SLC30A7: variants seen among roughly 807,000 people sequenced by gnomAD.
SLC30A7 encodes the protein zinc transporter 7.
In SLC30A7, 35 loss-of-function variants were observed where a neutral mutation model predicts 46.0. That is an observed-to-expected ratio of 0.76 (90% confidence interval 0.58 to 1.01). The LOEUF (loss-of-function observed/expected upper bound fraction) is 1.01, where lower values mean the gene tolerates loss of function less well. SLC30A7 is among the 50% of genes least tolerant of loss of function. The probability of loss-of-function intolerance (pLI) is 0.00; values close to 1 mark genes in which losing one functional copy is unlikely to be tolerated. For missense variants in SLC30A7, 464 were observed against 451.1 expected (o/e 1.03, Z -0.26); for synonymous variants, 147 against 157.8 (o/e 0.93, Z 0.51).
intron 8 of SLC30A7, among the ~76,000 whole-genome samples, chr1:100,924,609 T>C (rs1451592059): frequency 1.3e-5 from 2 of 149,930 alleles, no homozygotes; most frequent in Non-Finnish European, 3.0e-5. Flanking sequence ...GCCCTCAAGC[T>C]CCATTAGGGC....
intron 6 of SLC30A7, 55 bp from the exon 7 acceptor site, chr1:100,918,022 A>G: frequency 6.8e-7 from 1 of 1,466,668 alleles, no homozygotes; most frequent in East Asian, 2.3e-5. Flanking sequence ...TCTGAATTGT[A>G]AAAACTTGAA....
intron 8 of SLC30A7, among the ~76,000 whole-genome samples, chr1:100,942,820 CTGTG>C (rs914517593): frequency 6.6e-6 from 1 of 152,114 alleles, no homozygotes; most frequent in Admixed American, 6.5e-5. Context: ...ACATGATAGT[CTGTG>C]TATGAAAAAA....
chr1:100,968,914 A>G (rs1656005524), intron 10 of SLC30A7, among the ~76,000 whole-genome samples: 1 of 152,244 alleles, frequency 6.6e-6, no homozygotes. Flanking sequence ...TAAGTATGGA[A>G]AAATATCGTT....
intron 10 of SLC30A7, among the ~76,000 whole-genome samples, chr1:100,970,059 G>A (rs1656074226): frequency 6.6e-6 from 1 of 152,032 alleles, no homozygotes; most frequent in African/African-American, 2.4e-5. Flanking sequence ...TCAAAAATAA[G>A]AAAACTCAAA....
At chr1:100,927,250 G>T (rs1000453009) in intron 8 of SLC30A7, among the ~76,000 whole-genome samples, 5 of 152,142 alleles carry the variant, frequency 3.3e-5, no homozygotes, top group African/African-American at 1.2e-4. Context: ...AGGAGGGGAG[G>T]CCTGAGAACT....
chr1:100,993,593 T>C, the SLC30A7 span, among the ~76,000 whole-genome samples: 1 of 124,514 alleles, frequency 8.0e-6, no homozygotes, highest in African/African-American at 3.0e-5. Context: ...TATATATATA[T>C]ATATAGCTAT....
chr1:100,904,237 A>G (rs2101005642), intron 2 of SLC30A7, among the ~76,000 whole-genome samples: 1 of 152,326 alleles, frequency 6.6e-6, no homozygotes, highest in Middle Eastern at 3.4e-3. Context: ...TTGCTTTCAG[A>G]ACATTTTTAT....
chr1:100,955,881 C>T (rs1353288667), intron 8 of SLC30A7, among the ~76,000 whole-genome samples: 1 of 152,012 alleles, frequency 6.6e-6, no homozygotes, highest in South Asian at 2.1e-4. Flanking sequence ...TTATTCTCTA[C>T]CATAGTTTTA....
In SLC30A7 at chr1:100,974,883, T is replaced by C. The variant is rs202151278; in HGVS notation, c.*26T>C. 13 of 1,593,204 alleles carry C rather than the reference T, an allele frequency of 8.2e-6. No individual in the cohort carries two copies. Among genetic ancestry groups the C allele is most frequent in the Non-Finnish European group, 1.1e-5 (13 of 1,164,838 alleles). ...TGAATGGAAAGAAATTATGCACCTT[T>C]TATGGACCAAATTTTTCTGGTACTG... On this transcript the variant is annotated 3_prime_UTR_variant, in exon 11 of 11. Coordinates refer to ENST00000357650, the MANE Select transcript of SLC30A7 (RefSeq NM_133496.5).
At position 100,981,167 on chromosome 1, in the gene SLC30A7, A is replaced by G. The variant is rs1656909679; in HGVS notation, c.*6310A>G. ...GAATTTTAATATTTGAATTTTGTTT[A>G]TGTATCACATACTGTGCTACAGTTA... On this transcript the variant is annotated 3_prime_UTR_variant, in exon 11 of 11. Transcript: ENST00000357650. 6.6e-6 allele frequency: 1 copy of G among 152,076 alleles called. No homozygotes were observed. Among genetic ancestry groups the G allele is most frequent in the South Asian group, 2.1e-4 (1 of 4,826 alleles). 9.4% of individuals were successfully genotyped at this position (152,076 alleles called of 1,614,324 possible). A position where few individuals can be genotyped will look rare whatever the true frequency, so the allele number is the denominator to read the frequency against.
At chr1:100,983,387 A>AC (rs1558021788), downstream of SLC30A7, among the ~76,000 whole-genome samples, 48 of 145,848 alleles carry the variant, frequency 3.3e-4, no homozygotes, top group South Asian at 1.7e-3. Context: ...AAAAAAAAAA[A>AC]AAACAAAACA....
In SLC30A7 at chr1:100,980,126, GA is replaced by G. The variant is rs1312629041; in HGVS notation, c.*5270del. The G allele has an allele frequency of 6.6e-6, 1 of 152,134 alleles. No homozygotes were observed. Among genetic ancestry groups the G allele is most frequent in the African/African-American group, 2.4e-5 (1 of 41,452 alleles). The allele number at this position is 152,134 out of a possible 1,614,324, so 9.4% of individuals were successfully genotyped here. The stretch of plus-strand genomic sequence containing the variant: ...AAAATAAAGTTTTGTTGGCATTGAA[GA>G]GTAAGCTGCTTAAGGGACTGAATGA... On this transcript the variant is annotated 3_prime_UTR_variant, in exon 11 of 11. Coordinates refer to ENST00000357650, the MANE Select transcript of SLC30A7 (RefSeq NM_133496.5).
intron 8 of SLC30A7, among the ~76,000 whole-genome samples, chr1:100,940,275 G>A (rs1654262948): frequency 6.6e-6 from 1 of 152,170 alleles, no homozygotes; most frequent in South Asian, 2.1e-4. Flanking sequence ...AAATGGGTTA[G>A]TGTTTTAAAA....
chr1:100,988,302 G>A, the SLC30A7 span, among the ~76,000 whole-genome samples: 23 of 152,232 alleles, frequency 1.5e-4, no homozygotes, highest in Non-Finnish European at 2.1e-4. Context: ...GGGAAAGACC[G>A]AAGGGGAAAA....
intron 2 of SLC30A7, among the ~76,000 whole-genome samples, chr1:100,905,670 G>C (rs377458207): frequency 3.3e-5 from 5 of 151,842 alleles, no homozygotes; most frequent in African/African-American, 1.2e-4. Context: ...CTTTCTCTCT[G>C]TGTCCAGTCT....
intron 8 of SLC30A7, among the ~76,000 whole-genome samples, chr1:100,932,983 T>C (rs1218725454): frequency 6.6e-6 from 1 of 150,576 alleles, no homozygotes; most frequent in Non-Finnish European, 1.5e-5. Context: ...TTTTTCTTTT[T>C]TTTTTTTTTT....
At chr1:100,983,259 G>A (rs892482465), downstream of SLC30A7, among the ~76,000 whole-genome samples, 3 of 151,162 alleles carry the variant, frequency 2.0e-5, no homozygotes, top group Non-Finnish European at 1.5e-5. Flanking sequence ...AATAGATATA[G>A]ACAGAATGAC....
intron 2 of SLC30A7, among the ~76,000 whole-genome samples, chr1:100,903,655 G>A (rs1651454145): frequency 6.6e-6 from 1 of 152,014 alleles, no homozygotes; most frequent in African/African-American, 2.4e-5. Context: ...GAATAAATAA[G>A]GTTCATGATA....
chr1:100,913,751 T>C lies in SLC30A7; in HGVS notation c.600T>C (p.His200=), dbSNP rs548082261. ...ATTGCCATAGCCATGAAGTGAAACA[T>C]GGTGCTGCACATAGCCATGATCATG... The part of the protein sequence containing the change: ...VDHCHSHEVK[H]GAAHSHDHAH... The change falls in exon 6 of 11, where the codon CAT becomes CAC. Residue 200 remains histidine, a synonymous_variant. Transcript: ENST00000357650. 3 of 1,613,976 alleles carry C rather than the reference T, an allele frequency of 1.9e-6. No homozygotes were observed. Among genetic ancestry groups the C allele is most frequent in the African/African-American group, 1.3e-5 (1 of 75,046 alleles).
Sources: allele counts gnomAD v4.1 joint callset (sites outside exome capture counted in the v4.1 genomes callset), GRCh38; gene constraint gnomAD v4.1.1; transcripts MANE v1.5; gene names NCBI Gene and HGNC (gene_info 2026-07-23, HGNC 2026-07-21).